UBE2U: variants seen among roughly 807,000 people sequenced by gnomAD.
The protein encoded by UBE2U is ubiquitin-conjugating enzyme E2 U.
A neutral mutation model predicts 41.2 loss-of-function variants in UBE2U; 39 were observed. The observed-to-expected ratio is 0.95, with a 90% CI of 0.73 to 1.24. The LOEUF (loss-of-function observed/expected upper bound fraction) is 1.24. Ranked by LOEUF, UBE2U falls within the 50% of genes most tolerant of loss-of-function variation. UBE2U has a pLI of 0.00. For missense variants in UBE2U, 336 were observed against 363.1 expected (o/e 0.93, Z 0.61); for synonymous variants, 107 against 117.8 (o/e 0.91, Z 0.60).
At chr1:64,253,286 T>C (rs576461467) in intron 8 of UBE2U, among the ~76,000 whole-genome samples, 27 of 152,294 alleles carry the variant, frequency 1.8e-4, no homozygotes, top group Non-Finnish European at 8.8e-5. Context: ...AACCTACAAC[T>C]GATTGGGGTA....
chr1:64,218,802 G>C (rs573172255), intron 5 of UBE2U, among the ~76,000 whole-genome samples: 1 of 152,058 alleles, frequency 6.6e-6, no homozygotes, highest in Non-Finnish European at 1.5e-5. Context: ...TTGTACAAAA[G>C]GTCTGATTTT....
chr1:64,231,363 TTCATGCAGGAG>T (rs2100387135), intron 6 of UBE2U, among the ~76,000 whole-genome samples: 1 of 152,352 alleles, frequency 6.6e-6, no homozygotes, highest in South Asian at 2.1e-4. Flanking sequence ...CACAAGCTTT[TTCATGCAGGAG>T]ATATAATGCA....
intron 6 of UBE2U, among the ~76,000 whole-genome samples, chr1:64,224,488 C>T (rs1293452578): frequency 6.6e-6 from 1 of 151,960 alleles, no homozygotes; most frequent in African/African-American, 2.4e-5. Flanking sequence ...TCTGGGAGGC[C>T]GAGGCGGGTG....
chr1:64,224,862 A>AT (rs1157567395), intron 6 of UBE2U, among the ~76,000 whole-genome samples: 1 of 152,106 alleles, frequency 6.6e-6, no homozygotes, highest in East Asian at 1.9e-4. Context: ...GGTTAAGATG[A>AT]TAAAGTTATG....
At chr1:64,232,026 G>A (rs779537915) in intron 6 of UBE2U, among the ~76,000 whole-genome samples, 22 of 152,194 alleles carry the variant, frequency 1.4e-4, no homozygotes, top group South Asian at 4.1e-4. Flanking sequence ...AGCACAGGGA[G>A]GGGAAAGTAG....
At chr1:64,227,873 A>G (rs1652983586) in intron 6 of UBE2U, among the ~76,000 whole-genome samples, 1 of 152,186 alleles carries the variant, frequency 6.6e-6, no homozygotes, top group African/African-American at 2.4e-5. Flanking sequence ...CATGTACAAG[A>G]CATGTATACT....
At chr1:64,234,345 A>G (rs573883701) in intron 7 of UBE2U, among the ~76,000 whole-genome samples, 1 of 151,916 alleles carries the variant, frequency 6.6e-6, no homozygotes, top group Admixed American at 6.5e-5. Flanking sequence ...ACATCTCTTT[A>G]TCTCTCTCAT....
intron 7 of UBE2U, among the ~76,000 whole-genome samples, chr1:64,239,176 AAGAAG>A (rs1318062048): frequency 3.3e-5 from 3 of 91,000 alleles, no homozygotes; most frequent in Admixed American, 2.3e-4. Context: ...GAAGAAGAAG[AAGAAG>A]AAGAAGAAGA....
intron 6 of UBE2U, among the ~76,000 whole-genome samples, chr1:64,222,914 T>C (rs961479398): frequency 2.6e-5 from 4 of 152,128 alleles, no homozygotes; most frequent in African/African-American, 9.7e-5. Flanking sequence ...TTAGGCAAGG[T>C]CTATTCAACT....
chr1:64,204,888 T>G (rs571306964), intron 1 of UBE2U, among the ~76,000 whole-genome samples: 1 of 152,336 alleles, frequency 6.6e-6, no homozygotes, highest in East Asian at 1.9e-4. Context: ...TTAGGAACAA[T>G]TATGGAGTCC....
chr1:64,251,669 C>T (rs577761910), intron 8 of UBE2U, among the ~76,000 whole-genome samples: 5 of 152,266 alleles, frequency 3.3e-5, no homozygotes, highest in East Asian at 3.9e-4. Flanking sequence ...TGTGACCCTG[C>T]CCAGGAAACC....
At chr1:64,260,737 T>A (rs1348413740) in intron 9 of UBE2U, 43 bp downstream of exon 9, 2 of 1,452,568 alleles carry the variant, frequency 1.4e-6, no homozygotes, top group East Asian at 2.5e-5. Context: ...ATAAATAACA[T>A]ATTATGCATA....
chr1:64,241,637 ATAT>A lies in UBE2U; in HGVS notation c.596-13_596-11del, dbSNP rs1232125417. The A allele has an allele frequency of 6.4e-7, 1 of 1,571,170 alleles. No homozygotes were observed. The highest frequency in any genetic ancestry group is 2.3e-5 in the East Asian group (1 of 44,394). ...AATGTATGTATAGCTTCTTTTTTTA[ATAT>A]TCTAATTTCAGTGCTCAAAGTTCCA... On this transcript the variant is annotated splice_polypyrimidine_tract_variant and intron_variant, in intron 7 of 9. Transcript: ENST00000371077.
At chr1:64,211,101 T>C (rs1162356405) in intron 4 of UBE2U, among the ~76,000 whole-genome samples, 2 of 152,234 alleles carry the variant, frequency 1.3e-5, no homozygotes, top group Non-Finnish European at 2.9e-5. Flanking sequence ...ATTATTTAGA[T>C]GGTTTCAATT....
In UBE2U at chr1:64,267,276, G is replaced by T. The variant is rs915736757; in HGVS notation, c.*68G>T. On this transcript the variant is annotated 3_prime_UTR_variant, in exon 10 of 10. Coordinates refer to ENST00000371077, the MANE Select transcript of UBE2U (RefSeq NM_001366232.2). ...AGCCCAGCGTTGTGGAGCAATTTTG[G>T]AAGACTCTCAGAACTTGGATTTCAT... 12 of 1,299,570 alleles carry T rather than the reference G, an allele frequency of 9.2e-6. No homozygotes were observed. Among genetic ancestry groups the T allele is most frequent in the African/African-American group, 1.5e-5 (1 of 65,050 alleles). The allele number at this position is 1,299,570 out of a possible 1,614,324, so 80.5% of individuals were successfully genotyped here. A position where few individuals can be genotyped will look rare whatever the true frequency, so the allele number is the denominator to read the frequency against.
At position 64,220,911 on chromosome 1, in the gene UBE2U, AG is replaced by A; in HGVS notation, c.506+5del. 1 of 1,598,484 alleles carries A rather than the reference AG, an allele frequency of 6.3e-7. No individual in the cohort carries two copies. The highest frequency in any genetic ancestry group is 1.1e-5 in the South Asian group (1 of 87,840). On this transcript the variant is annotated splice_donor_5th_base_variant and intron_variant, in intron 6 of 9. Transcript: ENST00000371077. Reference sequence around the variant, plus strand: ...AAGACCCACGTAAATGTATCAGGTAAGTTTTTCTTTATACAATTTATGTCGA... The same window carrying A: ...AAGACCCACGTAAATGTATCAGGTAATTTTTCTTTATACAATTTATGTCGA...
chr1:64,210,834 C>G lies in UBE2U; in HGVS notation c.334C>G (p.Leu112Val). 1.3e-6 allele frequency: 2 copies of G among 1,595,324 alleles called. No individual in the cohort carries two copies. Among genetic ancestry groups the G allele is most frequent in the African/African-American group, 1.3e-5 (1 of 74,222 alleles). Residue 112 changes from leucine to valine, a missense_variant, in exon 4 of 10, where the codon CTA (leucine) becomes GTA (valine). Physicochemically the swap from Leu to Val is conservative, Grantham distance 32. Transcript: ENST00000371077. The part of the protein sequence containing the change: ...NYTLSSILLA[L>V]QVMLSNPVLE... ...TACATTGAGCAGCATCTTACTTGCC[C>G]TACAGGTAAGAATGGATTTCATATA...
intron 6 of UBE2U, among the ~76,000 whole-genome samples, chr1:64,227,694 C>T (rs1306218310): frequency 1.3e-5 from 2 of 151,938 alleles, no homozygotes; most frequent in Non-Finnish European, 2.9e-5. Context: ...CCCAGCTACT[C>T]GGGAGGCTGA....
chr1:64,220,781 G>A, intron 5 of UBE2U, 78 bp from the exon 6 acceptor site: 1 of 1,041,262 alleles, frequency 9.6e-7, no homozygotes, highest in South Asian at 1.4e-5. Flanking sequence ...TTTTATTGAG[G>A]CTTTGGAAAT....
Sources: gnomAD v4.1 joint callset for allele counts (sites outside exome capture counted in the v4.1 genomes callset) on GRCh38, gnomAD v4.1.1 for gene constraint, MANE v1.5 for transcripts, NCBI Gene and HGNC (gene_info 2026-07-23, HGNC 2026-07-21) for gene names.